Variants in ERI1 observed in about 807,000 individuals in gnomAD.
The protein encoded by ERI1 is exoribonuclease 1.
ERI1 carries 39 observed loss-of-function variants against 39.7 expected under a neutral mutation model. The observed-to-expected ratio is 0.98, with a 90% CI of 0.76 to 1.28. ERI1 has a LOEUF of 1.28. ERI1 is among the 50% of genes most tolerant of loss of function. The pLI, the probability that ERI1 is intolerant of heterozygous loss-of-function variation, is 0.00. For synonymous variants in ERI1, 204 were observed against 149.6 expected, an observed-to-expected ratio of 1.36 and a Z score of -2.65; for missense variants, 581 against 416.9, an observed-to-expected ratio of 1.39 and a Z score of -3.43.
chr8:9,030,089 A>T lies in ERI1; in HGVS notation c.*55A>T. On this transcript the variant is annotated 3_prime_UTR_variant, in exon 7 of 7. Transcript: ENST00000250263. ...TGAAGTTGCTATGAAGAGGTAGCAGATGAATCTCATTGAATTAGTCCTGTA... is the reference window on the plus strand; with the variant it reads ...TGAAGTTGCTATGAAGAGGTAGCAGTTGAATCTCATTGAATTAGTCCTGTA... 6.3e-7 allele frequency: 1 copy of T among 1,598,822 alleles called. No individual in the cohort carries two copies. The highest frequency in any genetic ancestry group is 8.6e-7 in the Non-Finnish European group (1 of 1,169,080).
chr8:9,076,557 G>A (rs1799217796), intron 3 of ERI1, among the ~76,000 whole-genome samples: 1 of 152,232 alleles, frequency 6.6e-6, no homozygotes, highest in African/African-American at 2.4e-5. Context: ...AAGGAAAAGA[G>A]GTGGGTGGGG....
intron 3 of ERI1, among the ~76,000 whole-genome samples, chr8:9,047,129 T>C (rs6983877): frequency 0.47 from 70,963 of 152,128 alleles, 18,296 homozygotes; most frequent in African/African-American, 0.66. Context: ...CTGCATGCCC[T>C]GACCATCTTC....
intron 3 of ERI1, among the ~76,000 whole-genome samples, chr8:9,041,430 G>C (rs113426026): frequency 0.012 from 1,798 of 152,198 alleles, 39 homozygotes; most frequent in South Asian, 0.094. Context: ...TTGACCATAG[G>C]TTAGGACACA....
At chr8:9,061,682 G>A (rs573122510) in intron 3 of ERI1, among the ~76,000 whole-genome samples, 4 of 152,190 alleles carry the variant, frequency 2.6e-5, no homozygotes, top group Admixed American at 6.5e-5. Flanking sequence ...ATTGAGGTTT[G>A]GGAGATTAGC....
At chr8:9,004,566 C>G (rs78451576) in intron 1 of ERI1, among the ~76,000 whole-genome samples, 3,468 of 145,164 alleles carry the variant, frequency 0.024, 146 homozygotes, top group African/African-American at 0.083. Context: ...TGGGGAGGCT[C>G]AGTGGGGAGG....
rs1225136320 is a variant in ERI1, at chr8:9,032,692, C to G, written c.*2658C>G. ...ACCAGTTGACTTTTAGTATATCATC[C>G]CAAGTATTATCCCCAAAATGATAAT... On this transcript the variant is annotated 3_prime_UTR_variant, in exon 7 of 7. Transcript: ENST00000250263. 6.6e-6 allele frequency: 1 copy of G among 151,992 alleles called. No individual in the cohort carries two copies. The highest frequency in any genetic ancestry group is 1.9e-4 in the East Asian group (1 of 5,192). The allele number at this position is 151,992 out of a possible 1,614,324, so 9.4% of individuals were successfully genotyped here.
chr8:9,046,442 C>T (rs1450923116), intron 3 of ERI1, among the ~76,000 whole-genome samples: 4 of 152,206 alleles, frequency 2.6e-5, no homozygotes, highest in African/African-American at 9.7e-5. Flanking sequence ...GGCCACACTC[C>T]TCTCCTTGCT....
At chr8:9,013,123 T>C (rs1816846642) in intron 3 of ERI1, among the ~76,000 whole-genome samples, 1 of 152,064 alleles carries the variant, frequency 6.6e-6, no homozygotes, top group African/African-American at 2.4e-5. Flanking sequence ...CGAGCAGCTC[T>C]CCTGCCTCAG....
At chr8:9,006,711 C>T (rs1181970779) in intron 1 of ERI1, among the ~76,000 whole-genome samples, 1 of 152,118 alleles carries the variant, frequency 6.6e-6, no homozygotes, top group East Asian at 1.9e-4. Context: ...CAAGGAACCT[C>T]AGTGTGGCTG....
At chr8:9,058,244 G>A (rs898590409) in intron 3 of ERI1, among the ~76,000 whole-genome samples, 1 of 152,196 alleles carries the variant, frequency 6.6e-6, no homozygotes, top group African/African-American at 2.4e-5. Context: ...CAGAGCTGAT[G>A]GGATTTCCTG....
intron 6 of ERI1, among the ~76,000 whole-genome samples, chr8:9,029,367 T>C (rs1797421478): frequency 6.6e-6 from 1 of 152,128 alleles, no homozygotes; most frequent in African/African-American, 2.4e-5. Context: ...CTCGCTCTGT[T>C]GTTCAGGCTG....
intron 3 of ERI1, among the ~76,000 whole-genome samples, chr8:9,047,869 G>A (rs1454993677): frequency 2.0e-5 from 3 of 152,198 alleles, no homozygotes; most frequent in Non-Finnish European, 4.4e-5. Flanking sequence ...TGGGGTGCAC[G>A]AGTGCACACA....
chr8:9,003,538 G>C (rs2288669), intron 1 of ERI1, among the ~76,000 whole-genome samples: 132,897 of 152,240 alleles, frequency 0.87, 58,197 homozygotes, highest in Non-Finnish European at 0.91. Context: ...CACCATATAC[G>C]CTAGGTATGT....
chr8:9,095,099 C>G (rs975932503), intron 3 of ERI1, among the ~76,000 whole-genome samples: 2 of 152,176 alleles, frequency 1.3e-5, no homozygotes, highest in Non-Finnish European at 2.9e-5. Flanking sequence ...ATTGTATAAC[C>G]TGCTTTCTTA....
At chr8:9,039,007 CTTGT>C (rs1356434057) in intron 3 of ERI1, among the ~76,000 whole-genome samples, 1 of 152,078 alleles carries the variant, frequency 6.6e-6, no homozygotes, top group Non-Finnish European at 1.5e-5. Flanking sequence ...TGATTAGTTT[CTTGT>C]TTATTTTTGT....
chr8:9,081,161 A>C (rs931902885), intron 3 of ERI1, among the ~76,000 whole-genome samples: 1 of 152,184 alleles, frequency 6.6e-6, no homozygotes, highest in Non-Finnish European at 1.5e-5. Flanking sequence ...CCCACTTACT[A>C]TCATGAGAAC....
intron 3 of ERI1, among the ~76,000 whole-genome samples, chr8:9,090,023 A>G (rs1413754492): frequency 6.6e-6 from 1 of 152,186 alleles, no homozygotes; most frequent in East Asian, 1.9e-4. Flanking sequence ...TCACATTTGC[A>G]TTTTTTTGGA....
At chr8:9,003,353 A>G (rs1341744554) in intron 1 of ERI1, among the ~76,000 whole-genome samples, 182 bp downstream of exon 1, 1 of 152,216 alleles carries the variant, frequency 6.6e-6, no homozygotes, top group Non-Finnish European at 1.5e-5. Flanking sequence ...GAGCCCCCTC[A>G]GGGCCGAATC....
chr8:9,099,431 A>G (rs1279954891), intron 3 of ERI1, among the ~76,000 whole-genome samples: 1 of 150,986 alleles, frequency 6.6e-6, no homozygotes, highest in African/African-American at 2.5e-5. Context: ...CTTTGTTTCT[A>G]CAAAAAATAA....
Sources: gnomAD v4.1 joint callset for allele counts (sites outside exome capture counted in the v4.1 genomes callset) on GRCh38, gnomAD v4.1.1 for gene constraint, MANE v1.5 for transcripts, NCBI Gene and HGNC (gene_info 2026-07-23, HGNC 2026-07-21) for gene names.